Variants in SH3RF1 observed in about 807,000 individuals in gnomAD.
The protein encoded by SH3RF1 is E3 ubiquitin-protein ligase SH3RF1.
A neutral mutation model predicts 74.0 loss-of-function variants in SH3RF1; 32 were observed. The observed-to-expected ratio is 0.43, with a 90% confidence interval of 0.33 to 0.58. The LOEUF (loss-of-function observed/expected upper bound fraction) is 0.58. Among genes scored for constraint, SH3RF1 ranks in the 20% least tolerant of loss-of-function variants. The pLI is 0.05. For synonymous variants in SH3RF1, 396 were observed against 439.6 expected, an observed-to-expected ratio of 0.90 and a Z score of 1.24; for missense variants, 954 against 1,130.9, an observed-to-expected ratio of 0.84 and a Z score of 2.24.
chr4:169,118,137 C>T (rs1309485337), intron 8 of SH3RF1, among the ~76,000 whole-genome samples: 6 of 152,164 alleles, frequency 3.9e-5, no homozygotes, highest in Non-Finnish European at 5.9e-5. Context: ...CTGACAATAT[C>T]CCCATTTCCA....
At chr4:169,242,550 C>A (rs1050038143) in intron 2 of SH3RF1, among the ~76,000 whole-genome samples, 5 of 152,156 alleles carry the variant, frequency 3.3e-5, no homozygotes, top group Non-Finnish European at 5.9e-5. Context: ...AAATCAAATT[C>A]TGTGGATCTG....
chr4:169,124,697 G>C (rs544017188), intron 6 of SH3RF1, among the ~76,000 whole-genome samples: 3 of 152,224 alleles, frequency 2.0e-5, no homozygotes, highest in Non-Finnish European at 4.4e-5. Context: ...GCTTGCCCCT[G>C]TGGGGTTGGT....
intron 2 of SH3RF1, among the ~76,000 whole-genome samples, chr4:169,216,388 T>C (rs2126998808): frequency 6.6e-6 from 1 of 152,314 alleles, no homozygotes; most frequent in South Asian, 2.1e-4. Flanking sequence ...AAATTAAAGA[T>C]ATTCAGCTAT....
rs187168984 is a variant in SH3RF1 at position 169,244,150 on chromosome 4, T to C, written c.393+24670A>G. On this transcript the variant is annotated intron_variant, in intron 2 of 11. Coordinates refer to ENST00000284637, the MANE Select transcript of SH3RF1 (RefSeq NM_020870.4). ...TGAGTTTTGGGTTGCTGTTCTAATA[T>C]GTTTTAAGACATTTATTTCAATCTG... 2.0e-3 allele frequency among the ~76,000 whole-genome samples: 310 copies of C among 152,340 alleles called. 3 individuals carry two copies. The highest frequency in any genetic ancestry group is 1.2e-3 in the Non-Finnish European group (84 of 68,032).
At chr4:169,171,825 A>C (rs971741425) in intron 2 of SH3RF1, among the ~76,000 whole-genome samples, 2 of 152,198 alleles carry the variant, frequency 1.3e-5, no homozygotes, top group African/African-American at 4.8e-5. Context: ...GCTCAATATG[A>C]TCTAGAAGAG....
chr4:169,208,485 T>G (rs554044113), intron 2 of SH3RF1, among the ~76,000 whole-genome samples: 3 of 152,334 alleles, frequency 2.0e-5, no homozygotes, highest in Admixed American at 2.0e-4. Flanking sequence ...ACACAAATGT[T>G]TCTTAAAAAT....
intron 2 of SH3RF1, among the ~76,000 whole-genome samples, chr4:169,225,835 T>C (rs1730647303): frequency 6.6e-6 from 1 of 151,964 alleles, no homozygotes; most frequent in Non-Finnish European, 1.5e-5. Context: ...GTGGAGAGAT[T>C]GAAGTTGCAG....
At position 169,174,012 on chromosome 4, in the gene SH3RF1, T is replaced by C. The variant is rs556645584; in HGVS notation, c.394-17333A>G. On this transcript the variant is annotated intron_variant, in intron 2 of 11. Coordinates refer to ENST00000284637, the MANE Select transcript of SH3RF1 (RefSeq NM_020870.4). The stretch of plus-strand genomic sequence containing the variant: ...TAATTTCCTGAGTTATATATATATA[T>C]ATATGGTGACTGAATTCATACCTGA... 1.3e-3 allele frequency among the ~76,000 whole-genome samples: 199 copies of C among 151,720 alleles called. 1 individual carries two copies. Among genetic ancestry groups the C allele is most frequent in the Non-Finnish European group, 2.0e-3 (139 of 67,874 alleles).
chr4:169,142,109 C>A (rs1733797036), intron 4 of SH3RF1, among the ~76,000 whole-genome samples: 1 of 152,082 alleles, frequency 6.6e-6, no homozygotes, highest in Admixed American at 6.5e-5. Context: ...TGAGCCACTG[C>A]ACCTGGCCTT....
At chr4:169,245,322 A>AT (rs1315333938) in intron 2 of SH3RF1, among the ~76,000 whole-genome samples, 12 of 152,220 alleles carry the variant, frequency 7.9e-5, no homozygotes, top group Admixed American at 7.9e-4. Flanking sequence ...ATTTAAGCCT[A>AT]TATCTATGGA....
At chr4:169,149,390 C>A (rs556492200) in intron 4 of SH3RF1, among the ~76,000 whole-genome samples, 1 of 151,880 alleles carries the variant, frequency 6.6e-6, no homozygotes, top group African/African-American at 2.4e-5. Context: ...GAAGGAAAAG[C>A]AATAATTACT....
intron 2 of SH3RF1, among the ~76,000 whole-genome samples, chr4:169,255,709 A>G (rs1178488278): frequency 6.6e-6 from 1 of 150,954 alleles, no homozygotes; most frequent in East Asian, 2.0e-4. Flanking sequence ...CATCTATCCA[A>G]CAGTGCATTA....
chr4:169,171,060 C>T (rs887498894), intron 2 of SH3RF1, among the ~76,000 whole-genome samples: 5 of 152,218 alleles, frequency 3.3e-5, no homozygotes, highest in African/African-American at 1.2e-4. Flanking sequence ...GGTTTCTCCA[C>T]ACATAGTGAA....
intron 4 of SH3RF1, among the ~76,000 whole-genome samples, chr4:169,148,032 A>G (rs942910266): frequency 2.6e-5 from 4 of 152,240 alleles, no homozygotes; most frequent in African/African-American, 9.6e-5. Flanking sequence ...TAAAAAGGCA[A>G]CCTCAGATAT....
At chr4:169,217,615 A>C (rs758754098) in intron 2 of SH3RF1, among the ~76,000 whole-genome samples, 7 of 152,196 alleles carry the variant, frequency 4.6e-5, no homozygotes, top group African/African-American at 7.2e-5. Context: ...GTTCTGGACA[A>C]AGGAATAAGG....
At chr4:169,120,106 A>G (rs1378192637) in intron 8 of SH3RF1, among the ~76,000 whole-genome samples, 5 of 152,212 alleles carry the variant, frequency 3.3e-5, no homozygotes. Flanking sequence ...CTTAGCCTCT[A>G]TCCACTAAAG....
At chr4:169,265,670 A>G (rs1253224906) in intron 2 of SH3RF1, among the ~76,000 whole-genome samples, 3 of 152,026 alleles carry the variant, frequency 2.0e-5, no homozygotes, top group Non-Finnish European at 4.4e-5. Context: ...ACGGGGTTTC[A>G]CCATGTTGAC....
chr4:169,260,466 A>G (rs1731259519), intron 2 of SH3RF1, among the ~76,000 whole-genome samples: 1 of 152,114 alleles, frequency 6.6e-6, no homozygotes, highest in East Asian at 1.9e-4. Context: ...AGAAGTTAAC[A>G]CTCAACACAG....
intron 2 of SH3RF1, among the ~76,000 whole-genome samples, chr4:169,234,109 C>T (rs916585865): frequency 1.3e-5 from 2 of 152,112 alleles, no homozygotes; most frequent in Admixed American, 1.3e-4. Context: ...TGTCCTCATA[C>T]AAATTATTCT....
Sources: gnomAD v4.1 joint callset for allele counts (sites outside exome capture counted in the v4.1 genomes callset) on GRCh38, gnomAD v4.1.1 for gene constraint, MANE v1.5 for transcripts, NCBI Gene and HGNC (gene_info 2026-07-23, HGNC 2026-07-21) for gene names.